ATP11C: variants seen among roughly 807,000 people sequenced by gnomAD.
ATP11C encodes the protein phospholipid-transporting ATPase IG.
A neutral mutation model predicts 97.4 loss-of-function variants in ATP11C; 36 were observed. That is an observed-to-expected ratio of 0.37 (90% CI 0.28 to 0.49). ATP11C has a LOEUF of 0.49. Ranked by LOEUF, ATP11C falls within the 20% of genes least tolerant of loss-of-function variation. The pLI, the probability that ATP11C is intolerant of heterozygous loss-of-function variation, is 0.98. For missense variants in ATP11C, 730 were observed against 824.6 expected, an observed-to-expected ratio of 0.89 and a Z score of 1.40; for synonymous variants, 275 against 290.9, an observed-to-expected ratio of 0.95 and a Z score of 0.56.
intron 1 of ATP11C, 149 bp downstream of exon 1, chrX:139,931,867 G>T: frequency 1.4e-6 from 1 of 727,138 alleles, no homozygotes; most frequent in Non-Finnish European, 1.9e-6. Context: ...GGCCGCCTGG[G>T]CACCGTGTTT....
At chrX:139,816,368 CAA>C (rs771479875) in intron 4 of ATP11C, among the ~76,000 whole-genome samples, 1 of 111,803 alleles carries the variant, frequency 8.9e-6, no homozygotes, top group East Asian at 2.8e-4. Context: ...CAAAATACTT[CAA>C]AGACATCCAT....
chrX:139,822,423 G>GT (rs112205119), intron 2 of ATP11C, among the ~76,000 whole-genome samples: 6 of 91,793 alleles, frequency 6.5e-5, no homozygotes, highest in Admixed American at 1.3e-4. Flanking sequence ...TTGTTTGTTT[G>GT]TTTTTTTTGA....
chrX:139,864,106 C>CA (rs776862235), intron 1 of ATP11C, among the ~76,000 whole-genome samples: 12 of 111,207 alleles, frequency 1.1e-4, no homozygotes, highest in Non-Finnish European at 1.7e-4. Context: ...AGAGTATTAG[C>CA]AAAAAAAGTA....
rs370999462 is a variant in ATP11C at position 139,919,444 on chromosome X, AACACACACACACACACACAC to A, written c.27+12552_27+12571del. On this transcript the variant is annotated intron_variant, in intron 1 of 29. Transcript: ENST00000682941. ...GATCGCAGCACTGCACTCAAACTTA[AACACACACACACACACACAC>A]ACACACACACACACACACACACACA... Among the ~76,000 whole-genome samples the A allele has an allele frequency of 5.9e-4, 44 of 73,950 alleles. 1 individual carries two copies. The highest frequency in any genetic ancestry group is 1.8e-3 in the African/African-American group (36 of 19,883). The allele number at this position is 73,950 out of a possible 115,157, so 64.2% of individuals were successfully genotyped here. A position where few individuals can be genotyped will look rare whatever the true frequency, so the allele number is the denominator to read the frequency against.
intron 1 of ATP11C, among the ~76,000 whole-genome samples, chrX:139,899,873 C>CT (rs1215114742): frequency 9.0e-6 from 1 of 111,549 alleles, no homozygotes; most frequent in Non-Finnish European, 1.9e-5. Context: ...AATTAATTTC[C>CT]TATGGCTCAT....
upstream of ATP11C, among the ~76,000 whole-genome samples, chrX:139,933,590 G>T (rs2085482593): frequency 8.9e-6 from 1 of 112,344 alleles, no homozygotes; most frequent in Admixed American, 9.4e-5. Context: ...AGAAGAACTT[G>T]CAGATTCTTC....
intron 15 of ATP11C, among the ~76,000 whole-genome samples, chrX:139,785,788 C>T (rs2082559675): frequency 9.0e-6 from 1 of 111,227 alleles, no homozygotes; most frequent in African/African-American, 3.3e-5. Flanking sequence ...GTAATAAAGG[C>T]ACTTACAGGG....
At chrX:139,731,258 A>G (rs1270787825) in intron 29 of ATP11C, among the ~76,000 whole-genome samples, 1 of 112,113 alleles carries the variant, frequency 8.9e-6, no homozygotes, top group Non-Finnish European at 1.9e-5. Context: ...GCTTGATATT[A>G]TACAGATGCA....
chrX:139,831,546 T>G (rs1159282833), intron 1 of ATP11C, among the ~76,000 whole-genome samples: 2 of 111,094 alleles, frequency 1.8e-5, no homozygotes, highest in Admixed American at 1.9e-4. Flanking sequence ...GACAATCAAT[T>G]CTAAGTATTC....
At chrX:139,864,795 T>G (rs1351737980) in intron 1 of ATP11C, among the ~76,000 whole-genome samples, 1 of 112,227 alleles carries the variant, frequency 8.9e-6, no homozygotes, top group Non-Finnish European at 1.9e-5. Flanking sequence ...TTTCTGCCTT[T>G]TTTGCAACAT....
chrX:139,774,674 T>A lies in ATP11C; in HGVS notation c.2216+16A>T, dbSNP rs755149315. On this transcript the variant is annotated intron_variant, in intron 19 of 29. Transcript: ENST00000682941. Reference sequence around the variant, plus strand: ...ACACCAATGTCTAAATATAAGAAACTGATGTACTTTCTTACTTTTTAAAGC... The same window carrying A: ...ACACCAATGTCTAAATATAAGAAACAGATGTACTTTCTTACTTTTTAAAGC... 20 of 1,187,074 alleles carry A rather than the reference T, an allele frequency of 1.7e-5. No homozygotes were observed. The highest frequency in any genetic ancestry group is 2.3e-5 in the Non-Finnish European group (20 of 878,933).
At position 139,798,691 on chromosome X, in the gene ATP11C, C is replaced by T. The variant is rs1448745003; in HGVS notation, c.763G>A (p.Glu255Lys). ...LLKGATLKNT[E>K]KIYGVAVYTG... Reference sequence around the variant, plus strand: ...AAAAATTGTTCACCATATATCTTCTCGGTATTTTTTAGCGTAGCTCCTTTC... The same window carrying T: ...AAAAATTGTTCACCATATATCTTCTTGGTATTTTTTAGCGTAGCTCCTTTC... The change falls in exon 9 of 30, where the codon GAG becomes AAG. Residue 255 changes from glutamate to lysine, a missense_variant. Coordinates refer to ENST00000682941, the MANE Select transcript of ATP11C (RefSeq NM_001353812.2). The T allele has an allele frequency of 4.2e-6, 5 of 1,201,077 alleles. No individual in the cohort carries two copies. The highest frequency in any genetic ancestry group is 1.8e-5 in the African/African-American group (1 of 56,818).
intron 28 of ATP11C, 178 bp downstream of exon 28, chrX:139,737,738 A>G (rs747359836): frequency 2.0e-5 from 11 of 543,575 alleles, no homozygotes; most frequent in Non-Finnish European, 3.3e-6. Context: ...TACCACCTGC[A>G]TTGGATAACG....
rs191104882 is a variant in ATP11C, at chrX:139,867,192, G to A, written c.28-40369C>T. Among the ~76,000 whole-genome samples the A allele has an allele frequency of 7.2e-3, 806 of 112,265 alleles. 8 individuals are homozygous for A. Among genetic ancestry groups the A allele is most frequent in the African/African-American group, 0.025 (760 of 30,921 alleles). On this transcript the variant is annotated intron_variant, in intron 1 of 29. Coordinates refer to ENST00000682941, the MANE Select transcript of ATP11C (RefSeq NM_001353812.2). The stretch of plus-strand genomic sequence containing the variant: ...CTACATACCTGGTATGATTTAGGCA[G>A]TGAGAACACAACAGTTTAAAAAAAG...
chrX:139,769,289 T>C (rs1327710725), intron 19 of ATP11C, among the ~76,000 whole-genome samples: 3 of 32,014 alleles, frequency 9.4e-5, no homozygotes, highest in South Asian at 1.8e-3. Flanking sequence ...TACATATATA[T>C]ATATATATAT....
intron 6 of ATP11C, among the ~76,000 whole-genome samples, chrX:139,803,566 T>C (rs2082971651): frequency 9.1e-6 from 1 of 110,386 alleles, no homozygotes; most frequent in Admixed American, 9.7e-5. Context: ...TTACCCCCAT[T>C]TGGCCAAATT....
Position 139,761,900 on chromosome X carries a change from G to T in ATP11C, c.2640+61C>A. 10 of 831,773 alleles carry T rather than the reference G, an allele frequency of 1.2e-5. No homozygotes were observed. In the South Asian group the frequency reaches 2.2e-4, roughly 18 times the overall value. The allele number at this position is 831,773 out of a possible 1,213,427, so 68.5% of individuals were successfully genotyped here. On this transcript the variant is annotated intron_variant, in intron 22 of 29. Coordinates refer to ENST00000682941, the MANE Select transcript of ATP11C (RefSeq NM_001353812.2). The stretch of plus-strand genomic sequence containing the variant: ...AAAAAAAAAGGAAGAACAAAACCAT[G>T]ACCAAGCTGAGCCAATGCTGGATTA...
At chrX:139,737,273 G>T in intron 28 of ATP11C, among the ~76,000 whole-genome samples, 1 of 110,981 alleles carries the variant, frequency 9.0e-6, no homozygotes. Context: ...ATCATAATGA[G>T]GCAGCAGAAA....
chrX:139,935,122 A>G (rs966775969), upstream of ATP11C, among the ~76,000 whole-genome samples: 2 of 112,587 alleles, frequency 1.8e-5, no homozygotes, highest in African/African-American at 6.5e-5. Context: ...AAACAAGTGG[A>G]AAAAATGTAC....
Sources: allele counts gnomAD v4.1 joint callset (sites outside exome capture counted in the v4.1 genomes callset), GRCh38; gene constraint gnomAD v4.1.1; transcripts MANE v1.5; gene names NCBI Gene and HGNC (gene_info 2026-07-23, HGNC 2026-07-21).